EPS15: variants seen among roughly 807,000 people sequenced by gnomAD.
EPS15 encodes the protein epidermal growth factor receptor substrate 15.
In EPS15, 72 loss-of-function variants were observed where a neutral mutation model predicts 113.8. That is an observed-to-expected ratio of 0.63 (90% confidence interval 0.52 to 0.77). The LOEUF (loss-of-function observed/expected upper bound fraction) is 0.77. Ranked by LOEUF, EPS15 falls within the 30% of genes least tolerant of loss-of-function variation. The pLI is 0.00. For missense variants in EPS15, 1,048 were observed against 1,045.8 expected, an observed-to-expected ratio of 1.00 and a Z score of -0.03; for synonymous variants, 344 against 363.4, an observed-to-expected ratio of 0.95 and a Z score of 0.61.
chr1:51,370,809 T>C (rs9436459), intron 21 of EPS15, among the ~76,000 whole-genome samples: 151,751 of 152,192 alleles, frequency 1, 75,657 homozygotes, highest in Non-Finnish European at 1. Context: ...TTAGTAGAGA[T>C]AGGGTTTCGC....
In EPS15 at chr1:51,363,857, C is replaced by T; in HGVS notation, c.2359+9G>A. The T allele has an allele frequency of 6.2e-7, 1 of 1,606,504 alleles. No individual in the cohort carries two copies. Among genetic ancestry groups the T allele is most frequent in the Non-Finnish European group, 8.5e-7 (1 of 1,176,778 alleles). On this transcript the variant is annotated intron_variant, in intron 23 of 24. Transcript: ENST00000371733. ...GCAGTTGACTGAAGAAAAGTACCAA[C>T]TCTCATACCAGGTGGTAGAGGGCAG...
intron 13 of EPS15, among the ~76,000 whole-genome samples, chr1:51,418,960 C>T (rs1434271050): frequency 6.6e-6 from 1 of 152,030 alleles, no homozygotes; most frequent in African/African-American, 2.4e-5. Flanking sequence ...CTGAAGAAAC[C>T]AGGCATATGA....
intron 1 of EPS15, among the ~76,000 whole-genome samples, chr1:51,517,586 G>A (rs1286614563): frequency 1.3e-5 from 2 of 152,128 alleles, no homozygotes; most frequent in African/African-American, 2.4e-5. Context: ...CTGCCAACAG[G>A]GATCTTGTTT....
rs1310903472 is a variant in EPS15, at chr1:51,423,705, TC to T, written c.1041-1848del. The T allele has an allele frequency of 3.0e-6, 3 of 985,280 alleles. No individual in the cohort carries two copies. In the African/African-American group the frequency reaches 5.2e-5, roughly 17 times the overall value. The allele number at this position is 985,280 out of a possible 1,614,324, so 61.0% of individuals were successfully genotyped here. A position where few individuals can be genotyped will look rare whatever the true frequency, so the allele number is the denominator to read the frequency against. ...AACTGCTGTCACTGACAGTGTCTGCTCAGATCAAGTGTGCATGCAGGAAAAC... is the reference window on the plus strand; with the variant it reads ...AACTGCTGTCACTGACAGTGTCTGCTAGATCAAGTGTGCATGCAGGAAAAC... On this transcript the variant is annotated intron_variant, in intron 12 of 24. Coordinates refer to ENST00000371733, the MANE Select transcript of EPS15 (RefSeq NM_001981.3).
At chr1:51,378,921 G>A (rs1255000593) in intron 21 of EPS15, among the ~76,000 whole-genome samples, 2 of 152,158 alleles carry the variant, frequency 1.3e-5, no homozygotes, top group Non-Finnish European at 2.9e-5. Flanking sequence ...GAGCTTATTT[G>A]AAGAAATAAT....
At chr1:51,381,466 G>A (rs1646940359) in intron 21 of EPS15, among the ~76,000 whole-genome samples, 1 of 152,054 alleles carries the variant, frequency 6.6e-6, no homozygotes, top group Admixed American at 6.6e-5. Flanking sequence ...GGTGGTGGGC[G>A]CCTATAGTCC....
Position 51,356,258 on chromosome 1 carries a change from TC to T in EPS15, c.*441del, listed in dbSNP as rs1475252870. The T allele has an allele frequency of 2.7e-5, 6 of 222,496 alleles. No homozygotes were observed. In the Admixed American group the frequency reaches 3.4e-4, roughly 13 times the overall value. 13.8% of individuals were successfully genotyped at this position (222,496 alleles called of 1,614,324 possible). A position where few individuals can be genotyped will look rare whatever the true frequency, so the allele number is the denominator to read the frequency against. On this transcript the variant is annotated 3_prime_UTR_variant, in exon 25 of 25. Coordinates refer to ENST00000371733, the MANE Select transcript of EPS15 (RefSeq NM_001981.3). ...ATCATAAAAGAAATAAGATATTCTTTCCCTTACCCTCACTCAACCATTCCAA... is the reference window on the plus strand; with the variant it reads ...ATCATAAAAGAAATAAGATATTCTTTCCTTACCCTCACTCAACCATTCCAA...
chr1:51,465,364 C>T, intron 5 of EPS15, 38 bp from the exon 6 acceptor site: 1 of 1,422,340 alleles, frequency 7.0e-7, no homozygotes, highest in South Asian at 1.2e-5. Context: ...AGTTGAAATT[C>T]TCACATCAAG....
At chr1:51,404,107 GAGGCCGAGGC>G (rs200517278) in intron 16 of EPS15, among the ~76,000 whole-genome samples, 1,575 of 152,304 alleles carry the variant, frequency 0.01, 30 homozygotes, top group African/African-American at 0.036. Flanking sequence ...AGCACTTTGG[GAGGCCGAGGC>G]AGGCAGATCA....
intron 1 of EPS15, among the ~76,000 whole-genome samples, chr1:51,498,998 C>T (rs1227819841): frequency 6.6e-6 from 1 of 152,178 alleles, no homozygotes; most frequent in Non-Finnish European, 1.5e-5. Flanking sequence ...TCCTTCTCTT[C>T]TGCCATGTGA....
chr1:51,496,031 A>C (rs1035895551), intron 1 of EPS15, among the ~76,000 whole-genome samples: 1 of 152,228 alleles, frequency 6.6e-6, no homozygotes, highest in African/African-American at 2.4e-5. Flanking sequence ...TTTTAAAATC[A>C]TATACACAGT....
chr1:51,458,860 C>T lies in EPS15; in HGVS notation c.561+2231G>A, dbSNP rs185262826. The T allele has an allele frequency of 2.5e-4, 46 of 180,692 alleles. No individual in the cohort carries two copies. The East Asian group carries it at 7.9e-3, about 31-fold the overall frequency. 11.2% of individuals were successfully genotyped at this position (180,692 alleles called of 1,614,324 possible). A position where few individuals can be genotyped will look rare whatever the true frequency, so the allele number is the denominator to read the frequency against. ...TGAGAAGTTTATGTGTAGGGTTTGACGATGTTTCAAAGTATATCATCACCG... is the reference window on the plus strand; with the variant it reads ...TGAGAAGTTTATGTGTAGGGTTTGATGATGTTTCAAAGTATATCATCACCG... On this transcript the variant is annotated intron_variant, in intron 8 of 24. Transcript: ENST00000371733.
intron 12 of EPS15, chr1:51,423,438 T>C: frequency 1.0e-6 from 1 of 985,394 alleles, no homozygotes; most frequent in Non-Finnish European, 1.2e-6. Flanking sequence ...ATCTTGGAAA[T>C]TTTCTTTCCT....
chr1:51,392,268 T>A (rs1397040326), intron 21 of EPS15, among the ~76,000 whole-genome samples: 2 of 152,192 alleles, frequency 1.3e-5, no homozygotes, highest in African/African-American at 4.8e-5. Context: ...CTTGTCTGTA[T>A]AATAAACATA....
At chr1:51,494,266 C>T (rs975623672) in intron 1 of EPS15, among the ~76,000 whole-genome samples, 1 of 152,218 alleles carries the variant, frequency 6.6e-6, no homozygotes, top group African/African-American at 2.4e-5. Flanking sequence ...ATTTCAAGCA[C>T]CTTGTCCTCC....
At chr1:51,366,092 A>T in intron 21 of EPS15, 63 bp from the exon 22 acceptor site, 1 of 1,137,356 alleles carries the variant, frequency 8.8e-7, no homozygotes, top group Non-Finnish European at 1.3e-6. Flanking sequence ...TTTGAGACAG[A>T]GTCTCACTCT....
chr1:51,487,867 A>G (rs555174872), intron 1 of EPS15, among the ~76,000 whole-genome samples: 2 of 152,326 alleles, frequency 1.3e-5, no homozygotes, highest in East Asian at 3.9e-4. Flanking sequence ...AAGATGATCA[A>G]AGAGTGTTTC....
At chr1:51,455,945 T>TAA (rs979751549) in intron 8 of EPS15, among the ~76,000 whole-genome samples, 1 of 145,628 alleles carries the variant, frequency 6.9e-6, no homozygotes. Context: ...AATTTACTTT[T>TAA]AAAAAAAAAA....
chr1:51,391,705 G>A (rs903538028), intron 21 of EPS15, among the ~76,000 whole-genome samples: 1 of 152,010 alleles, frequency 6.6e-6, no homozygotes. Flanking sequence ...GGCTTTTACT[G>A]GATATAATTT....
Sources: gnomAD v4.1 joint callset for allele counts (sites outside exome capture counted in the v4.1 genomes callset) on GRCh38, gnomAD v4.1.1 for gene constraint, MANE v1.5 for transcripts, NCBI Gene and HGNC (gene_info 2026-07-23, HGNC 2026-07-21) for gene names.